Variants in AGTRAP observed in about 807,000 individuals in gnomAD.
AGTRAP encodes the protein type-1 angiotensin II receptor-associated protein.
A neutral mutation model predicts 15.2 loss-of-function variants in AGTRAP; 7 were observed. The observed-to-expected ratio is 0.46, with a 90% confidence interval of 0.26 to 0.87. AGTRAP has a LOEUF of 0.87. AGTRAP is among the 40% of genes least tolerant of loss of function. The pLI is 0.15. For missense variants in AGTRAP, 187 were observed against 213.4 expected, an observed-to-expected ratio of 0.88 and a Z score of 0.77; for synonymous variants, 74 against 89.6, an observed-to-expected ratio of 0.83 and a Z score of 0.98.
At chr1:11,742,575 G>A (rs148091256) in intron 1 of AGTRAP, among the ~76,000 whole-genome samples, 244 of 151,388 alleles carry the variant, frequency 1.6e-3, no homozygotes, top group African/African-American at 5.5e-3. Context: ...CTGTCCCCCA[G>A]GCTGTAGTGC....
In AGTRAP at chr1:11,750,284, T is replaced by C. The variant is rs1397097183; in HGVS notation, c.*92T>C. On this transcript the variant is annotated 3_prime_UTR_variant, in exon 5 of 5. Coordinates refer to ENST00000314340, the MANE Select transcript of AGTRAP (RefSeq NM_020350.5). The stretch of plus-strand genomic sequence containing the variant: ...GCTCCTGACCTCCGTCTCTTGGACC[T>C]AAGATGGAATGTGTCCCCAGCTCAG... 1 of 1,080,952 alleles carries C rather than the reference T, an allele frequency of 9.3e-7. No individual in the cohort carries two copies. The highest frequency in any genetic ancestry group is 1.3e-5 in the South Asian group (1 of 75,618). The allele number at this position is 1,080,952 out of a possible 1,614,324, so 67.0% of individuals were successfully genotyped here.
intron 3 of AGTRAP, among the ~76,000 whole-genome samples, chr1:11,748,002 C>T (rs1444049709): frequency 1.3e-5 from 2 of 152,164 alleles, no homozygotes; most frequent in Non-Finnish European, 2.9e-5. Context: ...CCACGGAGCC[C>T]CGTGGGGCAG....
chr1:11,745,974 C>T lies in AGTRAP; in HGVS notation c.62+137C>T, dbSNP rs746703952. Reference sequence around the variant, plus strand: ...CTCTGCCTCTCCGGGTCTTGATTTCCGTCTGTACAATAGGCATAAGGATTG... The same window carrying T: ...CTCTGCCTCTCCGGGTCTTGATTTCTGTCTGTACAATAGGCATAAGGATTG... On this transcript the variant is annotated intron_variant, in intron 2 of 4. Transcript: ENST00000314340. The surrounding 1 kb of genome is among the most constrained non-coding windows in gnomAD (Gnocchi z 4.2). 9 of 1,371,046 alleles carry T rather than the reference C, an allele frequency of 6.6e-6. No homozygotes were observed. The highest frequency in any genetic ancestry group is 4.7e-5 in the South Asian group (4 of 85,448). The allele number at this position is 1,371,046 out of a possible 1,614,324, so 84.9% of individuals were successfully genotyped here. A position where few individuals can be genotyped will look rare whatever the true frequency, so the allele number is the denominator to read the frequency against.
intron 4 of AGTRAP, 53 bp downstream of exon 4, chr1:11,748,663 T>G (rs1372611143): frequency 6.4e-7 from 1 of 1,566,196 alleles, no homozygotes; most frequent in Non-Finnish European, 8.6e-7. Flanking sequence ...CTCCCTTGCC[T>G]GGCCTCCAGC....
intron 1 of AGTRAP, among the ~76,000 whole-genome samples, chr1:11,739,324 G>A (rs1641971380): frequency 6.6e-6 from 1 of 152,174 alleles, no homozygotes; most frequent in African/African-American, 2.4e-5. Flanking sequence ...ACCCAGGCAG[G>A]TGGATCATTT....
chr1:11,743,569 C>CTTT lies in AGTRAP; in HGVS notation c.28-2222_28-2220dup, dbSNP rs1302181623. Reference sequence around the variant, plus strand: ...CCCATCTGCCCTTTTTCTTTCTTTCCTTTTTTTTTTTTTTGAGGCGGAGGT... The same window carrying CTTT: ...CCCATCTGCCCTTTTTCTTTCTTTCCTTTTTTTTTTTTTTTTTGAGGCGGAGGT... On this transcript the variant is annotated intron_variant, in intron 1 of 4. Coordinates refer to ENST00000314340, the MANE Select transcript of AGTRAP (RefSeq NM_020350.5). Among the ~76,000 whole-genome samples, 253 of 139,586 alleles carry CTTT rather than the reference C, an allele frequency of 1.8e-3. 2 individuals are homozygous for CTTT. Among genetic ancestry groups the CTTT allele is most frequent in the Non-Finnish European group, 3.2e-3 (205 of 64,672 alleles). The allele number at this position is 139,586 out of a possible 152,430, so 91.6% of individuals were successfully genotyped here.
At chr1:11,741,204 C>A (rs1348788810) in intron 1 of AGTRAP, among the ~76,000 whole-genome samples, 1 of 152,024 alleles carries the variant, frequency 6.6e-6, no homozygotes, top group Non-Finnish European at 1.5e-5. Flanking sequence ...CTCTTCTTCC[C>A]CCTCAGCCTC....
chr1:11,736,678 G>A (rs1641907007), intron 1 of AGTRAP, among the ~76,000 whole-genome samples: 1 of 152,268 alleles, frequency 6.6e-6, no homozygotes, highest in African/African-American at 2.4e-5. Flanking sequence ...TGTTTGCTAA[G>A]TCGGGTTAAG....
Position 11,747,510 on chromosome 1 carries a change from G to C in AGTRAP, c.133G>C (p.Val45Leu), listed in dbSNP as rs375907716. ...FTILALGVWA[V>L]AQRDSIDAIS... ...CATCCTGGCCTTGGGCGTGTGGGCTGTGGCTCAGCGGGACTCCATCGACGC... is the reference window on the plus strand; with the variant it reads ...CATCCTGGCCTTGGGCGTGTGGGCTCTGGCTCAGCGGGACTCCATCGACGC... The change falls in exon 3 of 5, where the codon GTG becomes CTG. Residue 45 changes from valine (V) to leucine (L), a missense_variant. Coordinates refer to ENST00000314340, the MANE Select transcript of AGTRAP (RefSeq NM_020350.5). 6.2e-7 allele frequency: 1 copy of C among 1,614,016 alleles called. No individual in the cohort carries two copies. Among genetic ancestry groups the C allele is most frequent in the African/African-American group, 1.3e-5 (1 of 74,952 alleles).
chr1:11,748,712 G>GCT, intron 4 of AGTRAP, 102 bp downstream of exon 4: 1 of 1,366,590 alleles, frequency 7.3e-7, no homozygotes, highest in Non-Finnish European at 9.9e-7. Context: ...ATGGGGCCAG[G>GCT]GCTCAAGGTG....
intron 4 of AGTRAP, among the ~76,000 whole-genome samples, chr1:11,749,019 C>T (rs1642247102): frequency 6.6e-6 from 1 of 152,146 alleles, no homozygotes; most frequent in Non-Finnish European, 1.5e-5. Context: ...CACATGGGGT[C>T]TTCCCTCTCC....
Position 11,739,916 on chromosome 1 carries a change from T to C in AGTRAP, c.27+3681T>C, listed in dbSNP as rs368839462. On this transcript the variant is annotated intron_variant, in intron 1 of 4. Coordinates refer to ENST00000314340, the MANE Select transcript of AGTRAP (RefSeq NM_020350.5). ...TGCCTCCGTTTCGCAGAAAGGAGCC[T>C]GAGGCCTTGGCGCCTGGACCAGCAC... 8.9e-4 allele frequency among the ~76,000 whole-genome samples: 136 copies of C among 152,368 alleles called. 3 individuals are homozygous for C. In the South Asian group the frequency reaches 0.025, roughly 28 times the overall value.
chr1:11,747,432 T>C lies in AGTRAP; in HGVS notation c.63-8T>C. Reference sequence around the variant, plus strand: ...CTCCTGACGGGACTGAGCTACCTCTTCCTACAGGGGCTGCATTGTATTCTC... The same window carrying C: ...CTCCTGACGGGACTGAGCTACCTCTCCCTACAGGGGCTGCATTGTATTCTC... On this transcript the variant is annotated splice_region_variant and splice_polypyrimidine_tract_variant and intron_variant, in intron 2 of 4. Coordinates refer to ENST00000314340, the MANE Select transcript of AGTRAP (RefSeq NM_020350.5). The C allele has an allele frequency of 1.2e-6, 2 of 1,613,800 alleles. No homozygotes were observed. The highest frequency in any genetic ancestry group is 1.7e-6 in the Non-Finnish European group (2 of 1,179,718).
At position 11,745,846 on chromosome 1, in the gene AGTRAP, C is replaced by T; in HGVS notation, c.62+9C>T. On this transcript the variant is annotated intron_variant, in intron 2 of 4. Transcript: ENST00000314340. The surrounding 1 kb of genome is among the most constrained non-coding windows in gnomAD (Gnocchi z 4.2). Reference sequence around the variant, plus strand: ...TGGCTGCTGACAACCTGGTAAGTGACTCTGTGGGTATCTTGTGTGTCTCCT... The same window carrying T: ...TGGCTGCTGACAACCTGGTAAGTGATTCTGTGGGTATCTTGTGTGTCTCCT... 1 of 1,613,666 alleles carries T rather than the reference C, an allele frequency of 6.2e-7. No homozygotes were observed. The highest frequency in any genetic ancestry group is 8.5e-7 in the Non-Finnish European group (1 of 1,179,978).
chr1:11,736,283 C>T, intron 1 of AGTRAP, 48 bp downstream of exon 1: 2 of 1,588,696 alleles, frequency 1.3e-6, no homozygotes, highest in Non-Finnish European at 1.7e-6. Context: ...GGAAGTGGGA[C>T]ATTTGCATTT....
chr1:11,749,007 G>T (rs1378044235), intron 4 of AGTRAP, among the ~76,000 whole-genome samples: 2 of 152,312 alleles, frequency 1.3e-5, no homozygotes, highest in East Asian at 3.9e-4. Context: ...CCCATTTCCT[G>T]CCACATGGGG....
intron 1 of AGTRAP, chr1:11,744,528 C>A (rs368535101): frequency 2.9e-5 from 21 of 716,152 alleles, no homozygotes; most frequent in Middle Eastern, 4.6e-4. Flanking sequence ...CTCTGCCCCC[C>A]ACAGTGCGCC....
At chr1:11,742,714 A>T (rs1642062572) in intron 1 of AGTRAP, among the ~76,000 whole-genome samples, 1 of 151,980 alleles carries the variant, frequency 6.6e-6, no homozygotes, top group African/African-American at 2.4e-5. Flanking sequence ...GATTTTTTGT[A>T]GAGATAGGAT....
Position 11,745,867 on chromosome 1 carries a change from C to CT in AGTRAP, c.62+31dup. The CT allele has an allele frequency of 6.2e-7, 1 of 1,613,756 alleles. No individual in the cohort carries two copies. On this transcript the variant is annotated intron_variant, in intron 2 of 4. Transcript: ENST00000314340. The surrounding 1 kb of genome is among the most constrained non-coding windows in gnomAD (Gnocchi z 4.2). ...GTGACTCTGTGGGTATCTTGTGTGT[C>CT]TCCTGCGGTCTCAGGGTCTGTGTCA... is the stretch of plus-strand genomic sequence containing the variant.
Sources: allele counts gnomAD v4.1 joint callset (sites outside exome capture counted in the v4.1 genomes callset), GRCh38; gene constraint gnomAD v4.1.1; non-coding constraint Gnocchi (gnomAD v3.1); transcripts MANE v1.5; gene names NCBI Gene and HGNC (gene_info 2026-07-23, HGNC 2026-07-21).